ZNF609: variants seen among roughly 807,000 people sequenced by gnomAD.
The protein encoded by ZNF609 is zinc finger protein 609.
In ZNF609, 11 loss-of-function variants were observed where a neutral mutation model predicts 109.5. The ratio of observed to expected loss-of-function variants is 0.10; its 90% CI spans 0.06 to 0.17. The LOEUF is 0.17. Among genes scored for constraint, ZNF609 ranks in the 10% least tolerant of loss-of-function variants. The pLI is 1.00. For synonymous variants in ZNF609, 646 were observed against 662.0 expected (o/e 0.98, Z 0.37); for missense variants, 1,559 against 1,772.4 (o/e 0.88, Z 2.16).
chr15:64,580,710 T>A (rs2140425989), intron 2 of ZNF609, among the ~76,000 whole-genome samples: 1 of 152,042 alleles, frequency 6.6e-6, no homozygotes, highest in African/African-American at 2.4e-5. Flanking sequence ...CCTAGCTAAT[T>A]TTTGTAGAGA....
intron 3 of ZNF609, among the ~76,000 whole-genome samples, chr15:64,646,634 CAAAAAAA>C (rs1180524819): frequency 3.3e-5 from 1 of 30,690 alleles, no homozygotes; most frequent in Non-Finnish European, 6.1e-5. Flanking sequence ...GACTCCATCT[CAAAAAAA>C]AAAAAAAAAA....
intron 3 of ZNF609, among the ~76,000 whole-genome samples, chr15:64,656,693 TCTTCCTCC>T (rs879321290): frequency 5.9e-5 from 9 of 151,900 alleles, no homozygotes; most frequent in Non-Finnish European, 8.8e-5. Context: ...TTCCTTCTTT[TCTTCCTCC>T]CTTCCTCCCT....
intron 2 of ZNF609, among the ~76,000 whole-genome samples, chr15:64,585,630 T>A (rs1026798310): frequency 6.6e-6 from 1 of 152,178 alleles, no homozygotes; most frequent in Non-Finnish European, 1.5e-5. Context: ...TAGACTAGTT[T>A]CCAGTGTAGC....
intron 2 of ZNF609, among the ~76,000 whole-genome samples, chr15:64,539,270 C>G: frequency 6.6e-6 from 1 of 151,470 alleles, no homozygotes; most frequent in East Asian, 1.9e-4. Context: ...TGCAGTGGCG[C>G]GATCTCGGCT....
At chr15:64,467,094 C>T (rs1044049530) in intron 1 of ZNF609, among the ~76,000 whole-genome samples, 1 of 152,072 alleles carries the variant, frequency 6.6e-6, no homozygotes, top group Non-Finnish European at 1.5e-5. Flanking sequence ...GATCAGAGTC[C>T]CAGAAATAAG....
intron 3 of ZNF609, among the ~76,000 whole-genome samples, chr15:64,664,488 T>TG (rs1209465826): frequency 6.6e-6 from 1 of 152,200 alleles, no homozygotes; most frequent in African/African-American, 2.4e-5. Flanking sequence ...TTCCTTATTT[T>TG]GTGAACACTT....
chr15:64,663,733 A>C (rs1359453592), intron 3 of ZNF609, among the ~76,000 whole-genome samples: 2 of 152,192 alleles, frequency 1.3e-5, no homozygotes, highest in Non-Finnish European at 2.9e-5. Context: ...CTGAGCATGA[A>C]GGTACCAGAT....
At chr15:64,651,387 C>T (rs912385600) in intron 3 of ZNF609, among the ~76,000 whole-genome samples, 1 of 152,152 alleles carries the variant, frequency 6.6e-6, no homozygotes, top group Non-Finnish European at 1.5e-5. Context: ...ATGATACAGT[C>T]AGCAGATGCC....
intron 3 of ZNF609, among the ~76,000 whole-genome samples, chr15:64,664,635 A>G (rs976621596): frequency 6.6e-6 from 1 of 152,242 alleles, no homozygotes; most frequent in South Asian, 2.1e-4. Flanking sequence ...CTGTCGTCCT[A>G]TTCTCCAGCT....
At chr15:64,671,876 C>G (rs1372136937) in intron 4 of ZNF609, among the ~76,000 whole-genome samples, 1 of 152,126 alleles carries the variant, frequency 6.6e-6, no homozygotes, top group Non-Finnish European at 1.5e-5. Flanking sequence ...AGAAATGTCC[C>G]AAGGAAAGGT....
Position 64,466,296 on chromosome 15 carries a change from C to G in ZNF609, c.-128+5458C>G, listed in dbSNP as rs546311009. Among the ~76,000 whole-genome samples, 9 of 152,216 alleles carry G rather than the reference C, an allele frequency of 5.9e-5. No individual in the cohort carries two copies. The South Asian group carries it at 1.9e-3, about 32-fold the overall frequency. On this transcript the variant is annotated intron_variant, in intron 1 of 9. Coordinates refer to ENST00000326648, the MANE Select transcript of ZNF609 (RefSeq NM_015042.2). ...AATAGGAATGCCATAGAGCCTAAAA[C>G]TTGTAAGCAAGTAACTTTGTGTTTA...
intron 2 of ZNF609, among the ~76,000 whole-genome samples, chr15:64,609,078 TTC>T (rs1212869834): frequency 2.8e-5 from 1 of 35,532 alleles, no homozygotes; most frequent in Admixed American, 3.2e-4. Context: ...CTTTCTTTCT[TTC>T]TTTCTTTCTT....
rs563875112 is a variant in ZNF609, at chr15:64,604,226, C to T, written c.748-18601C>T. Among the ~76,000 whole-genome samples, 29 of 152,182 alleles carry T rather than the reference C, an allele frequency of 1.9e-4. No individual in the cohort carries two copies. The East Asian group carries it at 4.6e-3, about 24-fold the overall frequency. On this transcript the variant is annotated intron_variant, in intron 2 of 9. Transcript: ENST00000326648. ...TTACACCATAGTAAGTATTTAATGT[C>T]GCTGAAAGGAATCCAGAAAAAGAAT...
In ZNF609 at chr15:64,676,132, C is replaced by T; in HGVS notation, c.3278C>T (p.Ala1093Val). The T allele has an allele frequency of 3.1e-6, 5 of 1,614,226 alleles. No homozygotes were observed. Among genetic ancestry groups the T allele is most frequent in the Middle Eastern group, 1.6e-4 (1 of 6,062 alleles). The change falls in exon 5 of 10, where the codon GCC becomes GTC. Residue 1093 changes from alanine to valine, a missense_variant. By Grantham distance (64) the Ala-to-Val change is moderately conservative (BLOSUM62 0). Around this residue, in one of 4 missense-constraint regions of ZNF609, gnomAD observed 1,204 missense variants for 1,314.1 expected, o/e 0.92. Coordinates refer to ENST00000326648, the MANE Select transcript of ZNF609 (RefSeq NM_015042.2). ...LDDSSKLPGQ[A>V]PEGLKVKLSD... ...GACTCTTCAAAACTCCCGGGCCAGG[C>T]CCCTGAAGGCCTTAAAGTGAAGCTG... is the stretch of plus-strand genomic sequence containing the variant.
chr15:64,555,095 CAA>C (rs71133440), intron 2 of ZNF609, among the ~76,000 whole-genome samples: 2 of 142,686 alleles, frequency 1.4e-5, no homozygotes. Flanking sequence ...GACACCATCT[CAA>C]AAAAAAAAAA....
At chr15:64,562,903 G>A (rs951087576) in intron 2 of ZNF609, among the ~76,000 whole-genome samples, 6 of 86,272 alleles carry the variant, frequency 7.0e-5, no homozygotes, top group Non-Finnish European at 1.6e-4. Context: ...GTGTGTGTGT[G>A]TGTGTGTCTA....
chr15:64,567,716 C>A (rs1252018038), intron 2 of ZNF609, among the ~76,000 whole-genome samples: 1 of 151,538 alleles, frequency 6.6e-6, no homozygotes, highest in African/African-American at 2.4e-5. Context: ...GGCTGAAGTG[C>A]AGTGGCACGA....
intron 2 of ZNF609, among the ~76,000 whole-genome samples, chr15:64,520,411 A>G (rs1893876116): frequency 6.6e-6 from 1 of 152,124 alleles, no homozygotes; most frequent in African/African-American, 2.4e-5. Context: ...TGTGGATGCT[A>G]TTTACATAAC....
intron 2 of ZNF609, chr15:64,501,233 A>G (rs747751327): frequency 2.6e-5 from 4 of 152,134 alleles, no homozygotes; most frequent in African/African-American, 7.2e-5. Flanking sequence ...ACCTATTTCC[A>G]TATGTAAGTG....
Sources: gnomAD v4.1 joint callset for allele counts (sites outside exome capture counted in the v4.1 genomes callset) on GRCh38, gnomAD v4.1.1 for gene constraint, gnomAD v4.1.1 regional missense constraint, MANE v1.5 for transcripts, NCBI Gene and HGNC (gene_info 2026-07-23, HGNC 2026-07-21) for gene names.